ARAP2: variants seen among roughly 807,000 people sequenced by gnomAD.
The protein encoded by ARAP2 is ArfGAP with RhoGAP domain, ankyrin repeat and PH domain 2.
Under a neutral mutation model 194.5 loss-of-function variants are expected in ARAP2, and 148 were observed. The observed-to-expected ratio is 0.76, with a 90% confidence interval of 0.67 to 0.87. The LOEUF (loss-of-function observed/expected upper bound fraction) is 0.87. Among genes scored for constraint, ARAP2 ranks in the 40% least tolerant of loss-of-function variants. ARAP2 has a pLI of 0.00. For missense variants in ARAP2, 2,128 were observed against 1,989.7 expected (o/e 1.07, Z -1.32); for synonymous variants, 695 against 683.5 (o/e 1.02, Z -0.26).
At chr4:36,095,230 T>C (rs1034221679) in intron 27 of ARAP2, among the ~76,000 whole-genome samples, 1 of 152,176 alleles carries the variant, frequency 6.6e-6, no homozygotes, top group Non-Finnish European at 1.5e-5. Context: ...TGTTCTATAG[T>C]TTGAATGCAT....
At chr4:36,025,278 C>T (rs1717708994) in intron 5 of ARAP2, among the ~76,000 whole-genome samples, 1 of 151,982 alleles carries the variant, frequency 6.6e-6, no homozygotes, top group Non-Finnish European at 1.5e-5. Flanking sequence ...GGATGAGCAC[C>T]CACCATATGG....
intron 30 of ARAP2, 28 bp downstream of exon 30, chr4:36,082,223 G>C (rs771946924): frequency 6.3e-7 from 1 of 1,597,718 alleles, no homozygotes; most frequent in Admixed American, 1.7e-5. Flanking sequence ...AATATATTAT[G>C]TCCAAAAGTT....
intron 5 of ARAP2, among the ~76,000 whole-genome samples, chr4:36,036,817 T>G (rs549599902): frequency 6.6e-6 from 1 of 152,264 alleles, no homozygotes; most frequent in Non-Finnish European, 1.5e-5. Flanking sequence ...GACAGATCCT[T>G]TCATCATTGA....
intron 27 of ARAP2, among the ~76,000 whole-genome samples, chr4:36,096,676 C>T (rs970046994): frequency 2.0e-5 from 3 of 151,974 alleles, no homozygotes; most frequent in Non-Finnish European, 4.4e-5. Context: ...TTGATCACAC[C>T]GTCATACTAA....
At chr4:36,044,500 A>C (rs1450483711) in intron 5 of ARAP2, among the ~76,000 whole-genome samples, 1 of 152,174 alleles carries the variant, frequency 6.6e-6, no homozygotes, top group Non-Finnish European at 1.5e-5. Context: ...ATAATTGGCT[A>C]TTCACTTGCT....
intron 22 of ARAP2, among the ~76,000 whole-genome samples, chr4:36,124,180 G>T (rs1227948142): frequency 6.6e-6 from 1 of 151,670 alleles, no homozygotes; most frequent in African/African-American, 2.4e-5. Context: ...CTGCAAATAA[G>T]GTACTTTTAG....
At chr4:36,155,945 T>C (rs1732185478) in intron 15 of ARAP2, among the ~76,000 whole-genome samples, 1 of 152,120 alleles carries the variant, frequency 6.6e-6, no homozygotes, top group Non-Finnish European at 1.5e-5. Context: ...GTTCAAGCAA[T>C]CCTCCTACCT....
At chr4:36,232,661 T>C (rs78354482) in intron 1 of ARAP2, among the ~76,000 whole-genome samples, 1,648 of 152,334 alleles carry the variant, frequency 0.011, 17 homozygotes, top group Non-Finnish European at 0.016. Flanking sequence ...ATCTGCTTTC[T>C]TAAGCACCAT....
chr4:36,027,533 T>C (rs767674282), intron 5 of ARAP2, among the ~76,000 whole-genome samples: 1 of 151,760 alleles, frequency 6.6e-6, no homozygotes, highest in Non-Finnish European at 1.5e-5. Flanking sequence ...AGTTGCCTAC[T>C]CCCTCTTTTT....
intron 32 of ARAP2, among the ~76,000 whole-genome samples, chr4:36,071,188 T>C (rs776169347): frequency 2.6e-5 from 4 of 152,238 alleles, no homozygotes; most frequent in South Asian, 4.1e-4. Flanking sequence ...TCTCAATATA[T>C]GTTAAAGATA....
At chr4:36,214,632 A>G in intron 2 of ARAP2, 152 bp from the exon 3 acceptor site, 1 of 438,916 alleles carries the variant, frequency 2.3e-6, no homozygotes, top group East Asian at 4.2e-5. Context: ...TTTTGGGTAG[A>G]AAAAACAATA....
At chr4:36,037,415 G>A (rs1213710005) in intron 5 of ARAP2, among the ~76,000 whole-genome samples, 1 of 152,150 alleles carries the variant, frequency 6.6e-6, no homozygotes, top group African/African-American at 2.4e-5. Flanking sequence ...GATTAGCCAT[G>A]CATGTACTCC....
At chr4:36,104,234 C>G (rs1010535131) in intron 27 of ARAP2, among the ~76,000 whole-genome samples, 2 of 151,732 alleles carry the variant, frequency 1.3e-5, no homozygotes, top group Non-Finnish European at 2.9e-5. Context: ...TTCTACTTGG[C>G]CCCAGGTTAG....
intron 19 of ARAP2, among the ~76,000 whole-genome samples, chr4:36,145,528 G>C (rs1222479625): frequency 6.6e-6 from 1 of 151,800 alleles, no homozygotes; most frequent in Non-Finnish European, 1.5e-5. Context: ...GACTCCAAAA[G>C]TGGGGACCAA....
intron 19 of ARAP2, among the ~76,000 whole-genome samples, chr4:36,145,611 C>G (rs1298548949): frequency 6.6e-6 from 1 of 151,924 alleles, no homozygotes; most frequent in African/African-American, 2.4e-5. Flanking sequence ...AATAGAATCC[C>G]AAACCCTAGC....
intron 27 of ARAP2, 116 bp from the exon 28 acceptor site, chr4:36,092,136 A>G (rs1713847944): frequency 8.2e-7 from 1 of 1,218,304 alleles, no homozygotes; most frequent in Non-Finnish European, 1.1e-6. Context: ...TACTACCGCT[A>G]AAGTCTAAGG....
intron 5 of ARAP2, among the ~76,000 whole-genome samples, chr4:36,022,733 T>C (rs1717216602): frequency 6.6e-6 from 1 of 152,110 alleles, no homozygotes; most frequent in East Asian, 1.9e-4. Flanking sequence ...TAAGAAAAAA[T>C]ACTATCTTCA....
At chr4:36,014,309 G>GGAAAGAAAGAGAGA (rs1336656297) in intron 8 of ARAP2, among the ~76,000 whole-genome samples, 9 of 85,200 alleles carry the variant, frequency 1.1e-4, no homozygotes, top group African/African-American at 5.0e-4. Context: ...AGAGAAGGAA[G>GGAAAGAAAGAGAGA]GAAAGAAAGA....
At chr4:36,043,275 T>C (rs1185595651) in intron 5 of ARAP2, among the ~76,000 whole-genome samples, 1 of 152,184 alleles carries the variant, frequency 6.6e-6, no homozygotes, top group Non-Finnish European at 1.5e-5. Flanking sequence ...CCAAATAAAA[T>C]AATTGTAAGT....
Sources: allele counts gnomAD v4.1 joint callset (sites outside exome capture counted in the v4.1 genomes callset), GRCh38; gene constraint gnomAD v4.1.1; transcripts MANE v1.5; gene names NCBI Gene and HGNC (gene_info 2026-07-23, HGNC 2026-07-21).